The following RNMT variants were observed in gnomAD, a reference collection of about 807,000 sequenced individuals.
RNMT encodes mRNA cap guanine-N(7) methyltransferase.
A neutral mutation model predicts 56.0 loss-of-function variants in RNMT; 27 were observed. The observed-to-expected ratio is 0.48, with a 90% CI of 0.36 to 0.67. RNMT has a LOEUF of 0.67. Among genes scored for constraint, RNMT ranks in the 30% least tolerant of loss-of-function variants. RNMT has a pLI of 0.00. For missense variants in RNMT, 519 were observed against 552.1 expected (o/e 0.94, Z 0.60); for synonymous variants, 184 against 176.2 (o/e 1.04, Z -0.35).
intron 11 of RNMT, among the ~76,000 whole-genome samples, chr18:13,758,740 A>G (rs894855428): frequency 2.6e-5 from 4 of 152,186 alleles, no homozygotes; most frequent in Non-Finnish European, 4.4e-5. Flanking sequence ...CTTTGCATTC[A>G]TAACGGCTGA....
chr18:13,747,747 CATT>C (rs1001581003), intron 9 of RNMT, among the ~76,000 whole-genome samples: 4 of 152,146 alleles, frequency 2.6e-5, no homozygotes, highest in Admixed American at 1.3e-4. Flanking sequence ...TCATATTCCT[CATT>C]AGTTATATTT....
intron 9 of RNMT, among the ~76,000 whole-genome samples, chr18:13,748,448 G>C (rs79105275): frequency 6.6e-6 from 1 of 152,224 alleles, no homozygotes. Context: ...ATGGGGGATG[G>C]TTTGGAGGGA....
intron 9 of RNMT, among the ~76,000 whole-genome samples, chr18:13,749,296 C>T (rs980146018): frequency 2.6e-5 from 4 of 152,170 alleles, no homozygotes; most frequent in Non-Finnish European, 4.4e-5. Flanking sequence ...GGTAAAACTA[C>T]AATATGTGGA....
In RNMT at chr18:13,734,619, T is replaced by C. The variant is rs761521711; in HGVS notation, c.553+20T>C. 6.3e-7 allele frequency: 1 copy of C among 1,581,372 alleles called. No individual in the cohort carries two copies. The highest frequency in any genetic ancestry group is 1.2e-5 in the South Asian group (1 of 85,938). On this transcript the variant is annotated intron_variant, in intron 4 of 11. Coordinates refer to ENST00000383314, the MANE Select transcript of RNMT (RefSeq NM_003799.3). ...TCATTGGTATGATCCAACACCAAGC[T>C]ACTGAGTCTTTAATTCCTATTCATT...
At chr18:13,736,984 T>C (rs188926345) in intron 4 of RNMT, 26 bp from the exon 5 acceptor site, 1 of 1,604,636 alleles carries the variant, frequency 6.2e-7, no homozygotes, top group Non-Finnish European at 8.5e-7. Flanking sequence ...AGAGGTAGTT[T>C]ATTGTGACTG....
intron 8 of RNMT, among the ~76,000 whole-genome samples, chr18:13,744,159 C>CTTTTTTTTTGTTTTTTTTTTTTTTTTT: frequency 1.1e-5 from 1 of 91,398 alleles, no homozygotes; most frequent in South Asian, 3.4e-4. Context: ...TAGCGGTCTT[C>CTTTTTTTTTGTTTTTTTTTTTTTTTTT]TTTTTTTTTT....
At chr18:13,752,530 A>T in intron 10 of RNMT, 103 bp downstream of exon 10, 1 of 690,590 alleles carries the variant, frequency 1.4e-6, no homozygotes, top group Non-Finnish European at 2.4e-6. Flanking sequence ...ACTTAGGCTC[A>T]CTGACTTACA....
At chr18:13,732,746 T>TC (rs2044093763) in intron 3 of RNMT, among the ~76,000 whole-genome samples, 1 of 57,976 alleles carries the variant, frequency 1.7e-5, no homozygotes, top group Non-Finnish European at 4.3e-5. Flanking sequence ...CCCCCCCTTT[T>TC]TTTTTTTTTT....
intron 10 of RNMT, among the ~76,000 whole-genome samples, chr18:13,753,654 C>G (rs572520486): frequency 9.0e-4 from 136 of 151,648 alleles, no homozygotes; most frequent in Non-Finnish European, 1.8e-3. Flanking sequence ...ACCTGTAGTC[C>G]CAGCTACTCG....
chr18:13,762,099 C>G lies in RNMT; in HGVS notation c.*2120C>G, dbSNP rs1457859940. 6.5e-7 allele frequency: 1 copy of G among 1,536,002 alleles called. No homozygotes were observed. The highest frequency in any genetic ancestry group is 1.4e-5 in the African/African-American group (1 of 73,144). On this transcript the variant is annotated 3_prime_UTR_variant, in exon 12 of 12. Coordinates refer to ENST00000383314, the MANE Select transcript of RNMT (RefSeq NM_003799.3). ...TCCACCGTCGGGCCAGGAAGAGCAC[C>G]TGTTGCTGCAAGCTCAGTGAAGTGG... is the stretch of plus-strand genomic sequence containing the variant.
rs1013000221 is a variant in RNMT, at chr18:13,760,156, C to A, written c.*177C>A. On this transcript the variant is annotated 3_prime_UTR_variant, in exon 12 of 12. Transcript: ENST00000383314. ...GCTGTCTGTGACAGATGAACTTTTGCATGTGTATATAAGAATGAGTTGGGA... is the reference window on the plus strand; with the variant it reads ...GCTGTCTGTGACAGATGAACTTTTGAATGTGTATATAAGAATGAGTTGGGA... 2 of 1,336,678 alleles carry A rather than the reference C, an allele frequency of 1.5e-6. No individual in the cohort carries two copies. Among genetic ancestry groups the A allele is most frequent in the Non-Finnish European group, 1.9e-6 (2 of 1,044,474 alleles). The allele number at this position is 1,336,678 out of a possible 1,614,324, so 82.8% of individuals were successfully genotyped here.
chr18:13,733,818 C>T (rs547738581), intron 3 of RNMT, among the ~76,000 whole-genome samples: 81 of 152,290 alleles, frequency 5.3e-4, no homozygotes, highest in African/African-American at 1.8e-3. Context: ...TAAATCAGAA[C>T]TCTGGAAGAG....
chr18:13,752,191 GT>G (rs1285476807), intron 9 of RNMT, 134 bp from the exon 10 acceptor site: 1 of 599,724 alleles, frequency 1.7e-6, no homozygotes, highest in Non-Finnish European at 2.9e-6. Flanking sequence ...TATTTCAAAA[GT>G]ATGTATAGTT....
chr18:13,755,269 AAG>A (rs562489493), intron 11 of RNMT, among the ~76,000 whole-genome samples: 202 of 152,360 alleles, frequency 1.3e-3, no homozygotes, highest in African/African-American at 4.8e-3. Context: ...ACAAAGGTGA[AAG>A]AGAGCTTAAT....
Position 13,760,010 on chromosome 18 carries a change from G to A in RNMT, c.*31G>A, listed in dbSNP as rs746618761. ...TAGGCAGTAGTCCCAGAGGGGCCGT[G>A]TTCTGTCCTGCACAAATTTGAACAA... On this transcript the variant is annotated 3_prime_UTR_variant, in exon 12 of 12. Transcript: ENST00000383314. The A allele has an allele frequency of 3.1e-6, 5 of 1,611,438 alleles. 2 individuals are homozygous for A. In the South Asian group the frequency reaches 5.5e-5, roughly 18 times the overall value.
At chr18:13,751,848 C>T (rs993471740) in intron 9 of RNMT, among the ~76,000 whole-genome samples, 1 of 152,092 alleles carries the variant, frequency 6.6e-6, no homozygotes, top group Non-Finnish European at 1.5e-5. Context: ...AACCATCATT[C>T]TAAGCAAACT....
chr18:13,730,340 C>G (rs529153945), intron 1 of RNMT: 1 of 152,304 alleles, frequency 6.6e-6, no homozygotes, highest in Admixed American at 6.5e-5. Context: ...TTGTCTAAAG[C>G]CATTTCTACT....
At chr18:13,733,112 C>T (rs2044101128) in intron 3 of RNMT, among the ~76,000 whole-genome samples, 1 of 152,004 alleles carries the variant, frequency 6.6e-6, no homozygotes, top group Non-Finnish European at 1.5e-5. Context: ...CCCCAGAACC[C>T]CTTTTTCAAC....
At chr18:13,744,823 C>G (rs2044326122) in intron 8 of RNMT, among the ~76,000 whole-genome samples, 1 of 152,186 alleles carries the variant, frequency 6.6e-6, no homozygotes, top group Non-Finnish European at 1.5e-5. Context: ...CCTTTAACTG[C>G]TGCCTGAAGT....
Sources: allele counts gnomAD v4.1 joint callset (sites outside exome capture counted in the v4.1 genomes callset), GRCh38; gene constraint gnomAD v4.1.1; transcripts MANE v1.5; gene names NCBI Gene and HGNC (gene_info 2026-07-23, HGNC 2026-07-21).